Variants in PLIN2 observed in about 807,000 individuals in gnomAD.
PLIN2 encodes the protein perilipin 2.
A neutral mutation model predicts 30.6 loss-of-function variants in PLIN2; 33 were observed. The ratio of observed to expected loss-of-function variants is 1.08; its 90% confidence interval spans 0.82 to 1.44. The LOEUF (loss-of-function observed/expected upper bound fraction) is 1.44. Ranked by LOEUF, PLIN2 falls within the 40% of genes most tolerant of loss-of-function variation. The probability of loss-of-function intolerance (pLI) is 0.00; values close to 1 mark genes in which losing one functional copy is unlikely to be tolerated. For synonymous variants in PLIN2, 205 were observed against 201.1 expected, an observed-to-expected ratio of 1.02 and a Z score of -0.16; for missense variants, 610 against 531.8, an observed-to-expected ratio of 1.15 and a Z score of -1.45.
chr9:19,118,354 T>C lies in PLIN2; in HGVS notation c.879A>G (p.Gly293=), dbSNP rs1290234332. ...AGTGGGACTCATCAGTATCATCATA[T>C]CCAATGCTCCTTTTCCACTCTACCC... ...LSWVEWKRSI[G]YDDTDESHCA... is the part of the protein sequence containing the mutation. The change falls in exon 7 of 8, where the codon GGA becomes GGG. Residue 293 remains glycine (G), a synonymous_variant. Coordinates refer to ENST00000276914, the MANE Select transcript of PLIN2 (RefSeq NM_001122.4). 6.2e-7 allele frequency: 1 copy of C among 1,613,732 alleles called. No individual in the cohort carries two copies. The highest frequency in any genetic ancestry group is 1.1e-5 in the South Asian group (1 of 91,000).
At chr9:19,111,759 T>C (rs1818162242), downstream of PLIN2, among the ~76,000 whole-genome samples, 1 of 152,264 alleles carries the variant, frequency 6.6e-6, no homozygotes, top group East Asian at 1.9e-4. Context: ...CTATATCTTA[T>C]ATAAACCAAA....
chr9:19,121,607 T>C (rs929681028), intron 4 of PLIN2, among the ~76,000 whole-genome samples: 2 of 151,900 alleles, frequency 1.3e-5, no homozygotes, highest in African/African-American at 4.8e-5. Flanking sequence ...GATCAAACTA[T>C]ACCTGGCCCT....
chr9:19,113,113 C>A (rs537713854), downstream of PLIN2, among the ~76,000 whole-genome samples: 2 of 151,842 alleles, frequency 1.3e-5, no homozygotes, highest in Non-Finnish European at 2.9e-5. Context: ...GAGGCCGAAG[C>A]GGGCAGATCA....
intron 4 of PLIN2, among the ~76,000 whole-genome samples, chr9:19,121,933 AAAAC>A (rs1279151143): frequency 2.6e-5 from 4 of 152,068 alleles, no homozygotes; most frequent in South Asian, 2.1e-4. Flanking sequence ...CTCTGTCTCA[AAAAC>A]AAACAAACAA....
At chr9:19,117,917 A>C (rs987928709) in intron 7 of PLIN2, among the ~76,000 whole-genome samples, 2 of 152,188 alleles carry the variant, frequency 1.3e-5, no homozygotes, top group Non-Finnish European at 2.9e-5. Flanking sequence ...GCGCCCAGCC[A>C]ATAGTACCTG....
At chr9:19,117,957 T>C (rs1410448509) in intron 7 of PLIN2, among the ~76,000 whole-genome samples, 1 of 152,156 alleles carries the variant, frequency 6.6e-6, no homozygotes, top group Non-Finnish European at 1.5e-5. Flanking sequence ...CAACCGGACT[T>C]GGCTACTCTG....
intron 2 of PLIN2, among the ~76,000 whole-genome samples, chr9:19,109,129 A>G (rs1342453739): frequency 6.6e-6 from 1 of 152,234 alleles, no homozygotes; most frequent in Non-Finnish European, 1.5e-5. Context: ...TTTATGGTTG[A>G]AACAGCCATC....
chr9:19,119,596 G>T, intron 6 of PLIN2, 54 bp downstream of exon 6: 4 of 1,030,852 alleles, frequency 3.9e-6, no homozygotes, highest in Non-Finnish European at 4.2e-6. Context: ...TTAATTCTTG[G>T]GCCTAGAGAT....
At position 19,116,278 on chromosome 9, in the gene PLIN2, C is replaced by T. The variant is rs751688212; in HGVS notation, c.1284G>A (p.Glu428=). The T allele has an allele frequency of 6.2e-7, 1 of 1,605,646 alleles. No individual in the cohort carries two copies. The highest frequency in any genetic ancestry group is 1.1e-5 in the South Asian group (1 of 90,320). ...GAGTTTTATGCTCAGATCGCTGGGT[C>T]TCCTGGCTGCTCTTGTCCATCTCTG... ...QGAEMDKSSQ[E]TQRSEHKTH The change falls in exon 8 of 8, where the codon GAG becomes GAA. Residue 428 remains glutamate, a synonymous_variant. Transcript: ENST00000276914.
At chr9:19,121,782 T>A (rs1409856889) in intron 4 of PLIN2, among the ~76,000 whole-genome samples, 1 of 151,988 alleles carries the variant, frequency 6.6e-6, no homozygotes, top group Non-Finnish European at 1.5e-5. Flanking sequence ...ATACAAAAAA[T>A]TAGTTGGGCG....
intron 7 of PLIN2, among the ~76,000 whole-genome samples, chr9:19,117,908 C>T (rs1564029779): frequency 6.6e-6 from 1 of 152,184 alleles, no homozygotes; most frequent in Non-Finnish European, 1.5e-5. Context: ...TGAGCCATCG[C>T]GCCCAGCCAA....
intron 2 of PLIN2, 32 bp downstream of exon 2, chr9:19,126,365 G>A (rs771593556): frequency 6.2e-7 from 1 of 1,613,762 alleles, no homozygotes; most frequent in Admixed American, 1.7e-5. Flanking sequence ...CAAAAGGAGA[G>A]AAAGTAGACA....
chr9:19,126,029 A>G, intron 3 of PLIN2, 85 bp downstream of exon 3: 2 of 1,112,800 alleles, frequency 1.8e-6, no homozygotes, highest in South Asian at 2.8e-5. Flanking sequence ...GGAAGGGCTG[A>G]GGAGTTCCAG....
chr9:19,117,677 G>C (rs1818250020), intron 7 of PLIN2, among the ~76,000 whole-genome samples: 1 of 151,518 alleles, frequency 6.6e-6, no homozygotes, highest in Non-Finnish European at 1.5e-5. Context: ...GAGTGCAGTA[G>C]CATGATCTCG....
chr9:19,119,738 C>T lies in PLIN2; in HGVS notation c.689G>A (p.Arg230His), dbSNP rs974636412. 3.1e-6 allele frequency: 5 copies of T among 1,612,326 alleles called. No individual in the cohort carries two copies. Among genetic ancestry groups the T allele is most frequent in the Middle Eastern group, 3.3e-4 (2 of 6,022 alleles). ...CCTGCTGAGAGCCTGCTGGTAGGCACGGGAGTGAAGCTTGGTAGACAGGGA... is the reference window on the plus strand; with the variant it reads ...CCTGCTGAGAGCCTGCTGGTAGGCATGGGAGTGAAGCTTGGTAGACAGGGA... ...LGSLSTKLHSRAYQQALSRVK... is the reference protein window; with the variant it reads ...LGSLSTKLHSHAYQQALSRVK... The change falls in exon 6 of 8, where the codon CGT (arginine) becomes CAT (histidine). Residue 230 changes from arginine (R) to histidine (H), a missense_variant. Coordinates refer to ENST00000276914, the MANE Select transcript of PLIN2 (RefSeq NM_001122.4).
Position 19,126,255 on chromosome 9 carries a change from T to TG in PLIN2, c.84dup (p.Met29HisfsTer20). 1 of 1,614,118 alleles carries TG rather than the reference T, an allele frequency of 6.2e-7. No individual in the cohort carries two copies. The highest frequency in any genetic ancestry group is 8.5e-7 in the Non-Finnish European group (1 of 1,180,000). Reference sequence around the variant, plus strand: ...TTTGTACTGAGATAGGCTGAGGACATGAGGTCATACGTGGAGCTCACCAAG... The same window carrying TG: ...TTTGTACTGAGATAGGCTGAGGACATGGAGGTCATACGTGGAGCTCACCAAG... On this transcript the variant is annotated frameshift_variant, in exon 3 of 8. Coordinates refer to ENST00000276914, the MANE Select transcript of PLIN2 (RefSeq NM_001122.4). LOFTEE classifies it high-confidence loss of function.
At chr9:19,109,551 AAAAG>A (rs1337868364) in intron 2 of PLIN2, among the ~76,000 whole-genome samples, 4 of 148,060 alleles carry the variant, frequency 2.7e-5, no homozygotes, top group South Asian at 2.3e-4. Flanking sequence ...AAAAAAAAAA[AAAAG>A]AAAGAAAAGA....
Position 19,119,759 on chromosome 9 carries a change from A to G in PLIN2, c.668T>C (p.Leu223Pro), listed in dbSNP as rs1818283484. The G allele has an allele frequency of 2.0e-5, 32 of 1,603,598 alleles. No homozygotes were observed. Among genetic ancestry groups the G allele is most frequent in the Non-Finnish European group, 2.7e-5 (32 of 1,170,716 alleles). ...GGCACGGGAGTGAAGCTTGGTAGACAGGGATCCCAGTCTAACATAATAACT... is the reference window on the plus strand; with the variant it reads ...GGCACGGGAGTGAAGCTTGGTAGACGGGGATCCCAGTCTAACATAATAACT... ...KPSYYVRLGSLSTKLHSRAYQ... is the reference protein window; with the variant it reads ...KPSYYVRLGSPSTKLHSRAYQ... The change falls in exon 6 of 8, where the codon CTG becomes CCG. Residue 223 changes from leucine (L) to proline (P), a missense_variant. By Grantham distance (98) the Leu-to-Pro change is moderately conservative. Coordinates refer to ENST00000276914, the MANE Select transcript of PLIN2 (RefSeq NM_001122.4).
At chr9:19,111,616 A>C (rs1191002643), downstream of PLIN2, among the ~76,000 whole-genome samples, 2 of 152,052 alleles carry the variant, frequency 1.3e-5, no homozygotes, top group East Asian at 3.9e-4. Context: ...TAATTTCTAA[A>C]ACTAAGGTTT....
Sources: gnomAD v4.1 joint callset for allele counts (sites outside exome capture counted in the v4.1 genomes callset) on GRCh38, gnomAD v4.1.1 for gene constraint, MANE v1.5 for transcripts, NCBI Gene and HGNC (gene_info 2026-07-23, HGNC 2026-07-21) for gene names.